RP1: variants seen among roughly 807,000 people sequenced by gnomAD.
RP1 encodes the protein oxygen-regulated protein 1.
RP1 carries 16 observed loss-of-function variants against 14.8 expected under a neutral mutation model. The observed-to-expected ratio is 1.08, with a 90% CI of 0.73 to 1.65. The LOEUF is 1.65. Ranked by LOEUF, RP1 falls within the 40% of genes most tolerant of loss-of-function variation. The pLI is 0.00. For missense variants in RP1, 2,631 were observed against 2,535.0 expected (o/e 1.04, Z -0.81); for synonymous variants, 876 against 883.6 (o/e 0.99, Z 0.15).
chr8:54,611,211 C>A (rs1805583386), upstream of RP1, among the ~76,000 whole-genome samples: 1 of 152,162 alleles, frequency 6.6e-6, no homozygotes, highest in Non-Finnish European at 1.5e-5. Context: ...GTTCATCGAA[C>A]TTTTGAATTT....
At chr8:54,561,855 G>A (rs1804292420) in intron 1 of RP1, 1 of 152,116 alleles carries the variant, frequency 6.6e-6, no homozygotes, top group Admixed American at 6.5e-5. Flanking sequence ...GATAATATAT[G>A]AATTAATACT....
Position 54,827,830 on chromosome 8 carries a change from G to A in RP1, c.3616-9620G>A, listed in dbSNP as rs908350674. 3.3e-5 allele frequency among the ~76,000 whole-genome samples: 5 copies of A among 151,466 alleles called. No homozygotes were observed. The South Asian group carries it at 8.4e-4, about 25-fold the overall frequency. The stretch of plus-strand genomic sequence containing the variant: ...GAAGAAGTGCTTGAACCGGGAAGGC[G>A]GAGGTAGCAGTAAGCTGAGATCACA... On this transcript the variant is annotated intron_variant, in intron 24 of 28. Transcript: ENST00000637698.
At chr8:54,696,001 G>T (rs1054649751) in intron 12 of RP1, among the ~76,000 whole-genome samples, 6 of 152,008 alleles carry the variant, frequency 3.9e-5, no homozygotes, top group Non-Finnish European at 8.8e-5. Flanking sequence ...TTAGAAATAT[G>T]ACTTTAAATG....
intron 17 of RP1, among the ~76,000 whole-genome samples, chr8:54,729,334 C>T (rs1157755258): frequency 6.6e-6 from 1 of 152,142 alleles, no homozygotes; most frequent in Non-Finnish European, 1.5e-5. Flanking sequence ...TACAGTGTTG[C>T]CAGGCAAATC....
At chr8:54,801,537 T>C (rs1585704220) in intron 24 of RP1, among the ~76,000 whole-genome samples, 1 of 152,016 alleles carries the variant, frequency 6.6e-6, no homozygotes, top group African/African-American at 2.4e-5. Flanking sequence ...CATCTTCTGT[T>C]CCACAGGGGA....
intron 7 of RP1, among the ~76,000 whole-genome samples, chr8:54,667,512 G>C (rs1449183400): frequency 6.6e-6 from 1 of 152,132 alleles, no homozygotes; most frequent in African/African-American, 2.4e-5. Flanking sequence ...GTGGGCTCCA[G>C]ATGAAAAACA....
chr8:54,809,016 C>T (rs1490341209), intron 24 of RP1, among the ~76,000 whole-genome samples: 1 of 152,352 alleles, frequency 6.6e-6, no homozygotes, highest in Middle Eastern at 3.4e-3. Flanking sequence ...AGCTCTAGTT[C>T]TACCAAGTAT....
intron 24 of RP1, among the ~76,000 whole-genome samples, chr8:54,796,526 G>A (rs918640151): frequency 4.6e-5 from 7 of 152,152 alleles, no homozygotes; most frequent in African/African-American, 1.7e-4. Flanking sequence ...AGTAGGCAGG[G>A]CCTTGATTCA....
chr8:54,717,052 G>T (rs914802375), intron 15 of RP1, among the ~76,000 whole-genome samples: 2 of 152,068 alleles, frequency 1.3e-5, no homozygotes, highest in African/African-American at 2.4e-5. Flanking sequence ...TTCTTGTGGG[G>T]TGGCAGTTTT....
intron 22 of RP1, among the ~76,000 whole-genome samples, chr8:54,767,321 C>T (rs1585674617): frequency 6.6e-6 from 1 of 151,090 alleles, no homozygotes. Flanking sequence ...GGTTTTGAAA[C>T]AAGGCAATCT....
intron 24 of RP1, among the ~76,000 whole-genome samples, chr8:54,818,727 G>A (rs571621441): frequency 8.2e-4 from 125 of 152,280 alleles, no homozygotes; most frequent in African/African-American, 2.9e-3. Context: ...TTGTCCTGTG[G>A]ATCTACTTTG....
intron 1 of RP1, among the ~76,000 whole-genome samples, chr8:54,580,300 CTTTTTTTTTTTTTT>C (rs906806636): frequency 1.9e-4 from 15 of 80,200 alleles, no homozygotes; most frequent in Middle Eastern, 0.012. Flanking sequence ...TCGTAGACTT[CTTTTTTTTTTTTTT>C]TTTTTTTTTT....
At chr8:54,788,893 T>G (rs1331111772) in intron 24 of RP1, among the ~76,000 whole-genome samples, 1 of 152,158 alleles carries the variant, frequency 6.6e-6, no homozygotes, top group African/African-American at 2.4e-5. Context: ...GTGAGGCTGA[T>G]GCACCCCACA....
intron 24 of RP1, among the ~76,000 whole-genome samples, chr8:54,824,047 T>C (rs969461510): frequency 6.6e-6 from 1 of 152,196 alleles, no homozygotes; most frequent in Non-Finnish European, 1.5e-5. Context: ...AAAACATCTT[T>C]TCATATGCTT....
chr8:54,839,405 T>G (rs1811740448), intron 25 of RP1, among the ~76,000 whole-genome samples: 1 of 152,196 alleles, frequency 6.6e-6, no homozygotes, highest in South Asian at 2.1e-4. Flanking sequence ...AGGTGGCTGG[T>G]GTGAGCCAGG....
chr8:54,717,575 A>G (rs1345166819), intron 15 of RP1, among the ~76,000 whole-genome samples: 1 of 152,154 alleles, frequency 6.6e-6, no homozygotes, highest in Non-Finnish European at 1.5e-5. Flanking sequence ...ACTTTCAGTA[A>G]ACTATGAATA....
At chr8:54,654,066 T>A (rs867745734) in intron 5 of RP1, among the ~76,000 whole-genome samples, 1 of 152,332 alleles carries the variant, frequency 6.6e-6, no homozygotes, top group African/African-American at 2.4e-5. Flanking sequence ...GCAAGGGAAC[T>A]TTGCCTAAGG....
At chr8:54,749,600 A>G (rs949683602) in intron 19 of RP1, among the ~76,000 whole-genome samples, 1 of 152,170 alleles carries the variant, frequency 6.6e-6, no homozygotes, top group African/African-American at 2.4e-5. Context: ...AGGACATGAA[A>G]GAAAAGATAA....
At chr8:54,787,630 A>G (rs575617715) in intron 24 of RP1, among the ~76,000 whole-genome samples, 1 of 152,292 alleles carries the variant, frequency 6.6e-6, no homozygotes, top group Non-Finnish European at 1.5e-5. Context: ...CGTTGCTGGG[A>G]AAAAGTTAGT....
Sources: allele counts gnomAD v4.1 joint callset (sites outside exome capture counted in the v4.1 genomes callset), GRCh38; gene constraint gnomAD v4.1.1; transcripts MANE v1.5; gene names NCBI Gene and HGNC (gene_info 2026-07-23, HGNC 2026-07-21).